The following RBFOX1 variants were observed in gnomAD, a reference collection of about 807,000 sequenced individuals.
The protein encoded by RBFOX1 is RNA binding fox-1 homolog 1, also known as RNA binding protein fox-1 homolog 1.
RBFOX1 carries 8 observed loss-of-function variants against 57.7 expected under a neutral mutation model. The ratio of observed to expected loss-of-function variants is 0.14; its 90% CI spans 0.08 to 0.25. The LOEUF (loss-of-function observed/expected upper bound fraction) is 0.25, where lower values mean the gene tolerates loss of function less well. RBFOX1 is among the 10% of genes least tolerant of loss of function. The pLI is 1.00. For synonymous variants in RBFOX1, 326 were observed against 222.4 expected (o/e 1.47, Z -4.15); for missense variants, 611 against 548.5 (o/e 1.11, Z -1.14).
chr16:6,038,183 G>GT (rs201355274), intron 1 of RBFOX1: 35,818 of 143,100 alleles, frequency 0.25, 4,606 homozygotes, highest in Middle Eastern at 0.34. Flanking sequence ...TATTTTATTA[G>GT]TTTTTTTTTT....
intron 4 of RBFOX1, among the ~76,000 whole-genome samples, chr16:7,313,988 C>G (rs2096380877): frequency 6.6e-6 from 1 of 152,074 alleles, no homozygotes; most frequent in African/African-American, 2.4e-5. Context: ...CAGGACTTGC[C>G]AAAAGAGGAA....
At position 7,326,187 on chromosome 16, in the gene RBFOX1, AAC is replaced by A. The variant is rs2096609297; in HGVS notation, c.28-191956_28-191955del. On this transcript the variant is annotated intron_variant, in intron 4 of 15. Transcript: ENST00000550418. ...CCCAGTCCTGGGTGAATGGCAGGCAAACACAGGGATTGAGGAGGTGGTGGAGG... is the reference window on the plus strand; with the variant it reads ...CCCAGTCCTGGGTGAATGGCAGGCAAACAGGGATTGAGGAGGTGGTGGAGG... Among the ~76,000 whole-genome samples the A allele has an allele frequency of 2.0e-5, 3 of 152,152 alleles. No individual in the cohort carries two copies. The South Asian group carries it at 6.2e-4, about 32-fold the overall frequency.
At chr16:6,367,810 G>A (rs2089876554) in intron 2 of RBFOX1, among the ~76,000 whole-genome samples, 2 of 151,408 alleles carry the variant, frequency 1.3e-5, no homozygotes, top group Admixed American at 1.3e-4. Context: ...TTTTCAAAGA[G>A]TCAGAAAGAC....
At chr16:5,863,506 A>T (rs1336530378) in intron 3 of RBFOX1, among the ~76,000 whole-genome samples, 1 of 152,216 alleles carries the variant, frequency 6.6e-6, no homozygotes, top group South Asian at 2.1e-4. Context: ...TGGCTTGCCC[A>T]GCGTGCAGTC....
chr16:6,900,779 T>G (rs7206886), intron 3 of RBFOX1, among the ~76,000 whole-genome samples: 29,778 of 152,186 alleles, frequency 0.2, 3,115 homozygotes, highest in East Asian at 0.26. Flanking sequence ...CCCTCTCCTC[T>G]TCCTTCACAG....
At chr16:6,052,808 A>ATAATAC (rs2095568886) in intron 1 of RBFOX1, among the ~76,000 whole-genome samples, 1 of 74,098 alleles carries the variant, frequency 1.3e-5, no homozygotes, top group Non-Finnish European at 3.9e-5. Context: ...ATAAAATATA[A>ATAATAC]TAATAATAAT....
intron 3 of RBFOX1, among the ~76,000 whole-genome samples, chr16:6,911,199 T>C: frequency 1.8e-5 from 1 of 56,250 alleles, no homozygotes; most frequent in Admixed American, 1.8e-4. Context: ...TAAAATTGTG[T>C]CTCAAAAAAA....
At chr16:6,137,302 A>G (rs2096673736) in intron 1 of RBFOX1, among the ~76,000 whole-genome samples, 1 of 151,946 alleles carries the variant, frequency 6.6e-6, no homozygotes, top group African/African-American at 2.4e-5. Flanking sequence ...CTTTCACAGC[A>G]TTTTTGTTTG....
intron 3 of RBFOX1, among the ~76,000 whole-genome samples, chr16:6,995,413 G>A (rs1473923007): frequency 6.6e-6 from 1 of 151,782 alleles, no homozygotes; most frequent in East Asian, 1.9e-4. Context: ...ACGTGTGATA[G>A]ACCTATGGGG....
chr16:7,271,908 A>G (rs9936075), intron 4 of RBFOX1, among the ~76,000 whole-genome samples: 62,401 of 151,872 alleles, frequency 0.41, 14,170 homozygotes, highest in African/African-American at 0.61. Context: ...GACATCCATG[A>G]GTGCCCCAGT....
chr16:5,532,218 G>C (rs911939971), intron 2 of RBFOX1, among the ~76,000 whole-genome samples: 2 of 152,212 alleles, frequency 1.3e-5, no homozygotes, highest in Non-Finnish European at 2.9e-5. Flanking sequence ...ATGTTGAGCA[G>C]CACCCAGGGC....
At chr16:6,723,860 A>G (rs565418825) in intron 3 of RBFOX1, 1 of 152,130 alleles carries the variant, frequency 6.6e-6, no homozygotes, top group South Asian at 2.1e-4. Context: ...GGTTCTCACC[A>G]TTGTTTCCAG....
intron 3 of RBFOX1, among the ~76,000 whole-genome samples, chr16:5,828,994 T>G (rs1231170211): frequency 6.6e-6 from 1 of 152,100 alleles, no homozygotes; most frequent in Non-Finnish European, 1.5e-5. Flanking sequence ...GCAGTTGAAG[T>G]GTATTGCTAG....
chr16:6,269,652 A>T (rs892951024), intron 1 of RBFOX1, among the ~76,000 whole-genome samples: 1 of 152,194 alleles, frequency 6.6e-6, no homozygotes, highest in African/African-American at 2.4e-5. Context: ...TCCTTCGGAG[A>T]TGAAGGAGAA....
chr16:5,501,249 C>T (rs2043183836), intron 2 of RBFOX1, among the ~76,000 whole-genome samples: 2 of 123,772 alleles, frequency 1.6e-5, no homozygotes, highest in East Asian at 2.6e-4. Context: ...ACTCGGGAGG[C>T]GGAGGTTGCA....
At chr16:7,600,805 T>C (rs371131319) in intron 9 of RBFOX1, among the ~76,000 whole-genome samples, 6 of 152,214 alleles carry the variant, frequency 3.9e-5, no homozygotes, top group South Asian at 2.1e-4. Context: ...CTGTCCATTA[T>C]AGAGGGTTAC....
chr16:7,233,937 C>T (rs947570328), intron 4 of RBFOX1, among the ~76,000 whole-genome samples: 2 of 152,168 alleles, frequency 1.3e-5, no homozygotes, highest in Non-Finnish European at 2.9e-5. Flanking sequence ...AAATTTCCAT[C>T]TTGACTGGCT....
intron 4 of RBFOX1, among the ~76,000 whole-genome samples, chr16:7,124,263 A>G (rs972830768): frequency 2.6e-5 from 4 of 152,166 alleles, no homozygotes; most frequent in African/African-American, 9.6e-5. Flanking sequence ...ATTTTTTAAA[A>G]AATTGCCAGG....
chr16:7,498,914 A>C (rs114478747), intron 4 of RBFOX1, among the ~76,000 whole-genome samples: 1 of 152,204 alleles, frequency 6.6e-6, no homozygotes, highest in Non-Finnish European at 1.5e-5. Context: ...TATAAGCAAC[A>C]GATTAAGAGG....
Sources: allele counts gnomAD v4.1 joint callset (sites outside exome capture counted in the v4.1 genomes callset), GRCh38; gene constraint gnomAD v4.1.1; transcripts MANE v1.5; gene names NCBI Gene and HGNC (gene_info 2026-07-23, HGNC 2026-07-21).